CFI: variants seen among roughly 807,000 people sequenced by gnomAD.
CFI encodes the protein C3B/C4B inactivator.
CFI carries 66 observed loss-of-function variants against 78.8 expected under a neutral mutation model. That is an observed-to-expected ratio of 0.84 (90% CI 0.69 to 1.03). CFI has a LOEUF of 1.03. CFI is among the 50% of genes least tolerant of loss of function. CFI has a pLI of 0.00. For synonymous variants in CFI, 250 were observed against 232.6 expected (o/e 1.07, Z -0.68); for missense variants, 706 against 704.5 (o/e 1.00, Z -0.02).
chr4:109,760,602 A>G lies in CFI; in HGVS notation c.693T>C (p.Asn231=). The change falls in exon 5 of 13, where the codon AAT becomes AAC. Residue 231 remains asparagine, a synonymous_variant. Transcript: ENST00000394634. ...SPMDDFFQCV[N]GKYISQMKAC... is the part of the protein sequence containing the mutation. ...CTTTCATCTGAGAAATGTATTTCCC[A>G]TTCACACACTGAAAGAAGTCATCCA... is the stretch of plus-strand genomic sequence containing the variant. The G allele has an allele frequency of 1.9e-6, 3 of 1,609,350 alleles. No homozygotes were observed. Among genetic ancestry groups the G allele is most frequent in the Non-Finnish European group, 2.6e-6 (3 of 1,175,670 alleles).
intron 1 of CFI, among the ~76,000 whole-genome samples, chr4:109,790,507 G>A (rs1731243593): frequency 1.3e-5 from 2 of 151,966 alleles, no homozygotes; most frequent in Admixed American, 6.6e-5. Flanking sequence ...GTGTCATGGG[G>A]GTTTGTTGTA....
chr4:109,743,442 AC>A (rs755013742), intron 11 of CFI, among the ~76,000 whole-genome samples: 8 of 152,186 alleles, frequency 5.3e-5, no homozygotes, highest in African/African-American at 9.6e-5. Context: ...CAGAATTTTA[AC>A]TACTAGACTT....
At chr4:109,797,530 C>A (rs532729462) in intron 1 of CFI, among the ~76,000 whole-genome samples, 1 of 151,644 alleles carries the variant, frequency 6.6e-6, no homozygotes. Context: ...AATATCTTGA[C>A]TATGACGACA....
At chr4:109,733,924 C>G in the CFI span, among the ~76,000 whole-genome samples, 1 of 152,104 alleles carries the variant, frequency 6.6e-6, no homozygotes, top group Non-Finnish European at 1.5e-5. Flanking sequence ...AGTCCCAGCA[C>G]CTAGGGAGAT....
chr4:109,741,215 C>A, intron 12 of CFI, 105 bp from the exon 13 acceptor site: 1 of 1,582,206 alleles, frequency 6.3e-7, no homozygotes, highest in Non-Finnish European at 8.6e-7. Context: ...TTACAGTTTC[C>A]TGACAGCAAT....
At position 109,801,895 on chromosome 4, in the gene CFI, A is replaced by C. The variant is rs370820039; in HGVS notation, c.57+20T>G. 44 of 1,533,628 alleles carry C rather than the reference A, an allele frequency of 2.9e-5. 2 individuals carry two copies. The South Asian group carries it at 4.8e-4, about 17-fold the overall frequency. On this transcript the variant is annotated intron_variant, in intron 1 of 12. Transcript: ENST00000394634. ...TAAATTATCAATTAAAATTGTTTGC[A>C]TAAAGGTTGAATTACTTACCTTGCA...
chr4:109,776,624 C>A (rs191897370), intron 1 of CFI, among the ~76,000 whole-genome samples: 3 of 152,284 alleles, frequency 2.0e-5, no homozygotes, highest in Admixed American at 2.0e-4. Flanking sequence ...ACAGAGAATG[C>A]CACAAAGATA....
At chr4:109,781,070 A>C (rs1023151002) in intron 1 of CFI, among the ~76,000 whole-genome samples, 1 of 152,188 alleles carries the variant, frequency 6.6e-6, no homozygotes, top group African/African-American at 2.4e-5. Flanking sequence ...CGTGTGCAGC[A>C]CACCAACATG....
intron 8 of CFI, among the ~76,000 whole-genome samples, chr4:109,751,489 T>G (rs1473535721): frequency 5.1e-5 from 7 of 138,488 alleles, no homozygotes; most frequent in African/African-American, 1.8e-4. Flanking sequence ...TTGCCCAGGC[T>G]GGAGGGCAGT....
chr4:109,732,346 T>C, the CFI span, among the ~76,000 whole-genome samples: 1 of 152,330 alleles, frequency 6.6e-6, no homozygotes, highest in East Asian at 1.9e-4. Flanking sequence ...TCACCACCAT[T>C]TTTGTAGAAA....
At chr4:109,773,001 G>A (rs1045227443) in intron 1 of CFI, among the ~76,000 whole-genome samples, 1 of 152,156 alleles carries the variant, frequency 6.6e-6, no homozygotes, top group African/African-American at 2.4e-5. Flanking sequence ...GTTGGGCATG[G>A]TGATTTCCTT....
chr4:109,783,475 T>C (rs1199624077), intron 1 of CFI, among the ~76,000 whole-genome samples: 1 of 152,064 alleles, frequency 6.6e-6, no homozygotes, highest in South Asian at 2.1e-4. Flanking sequence ...CACAATGTGA[T>C]ACCACCTTAC....
At chr4:109,749,885 G>A (rs1303948912) in intron 8 of CFI, among the ~76,000 whole-genome samples, 2 of 152,212 alleles carry the variant, frequency 1.3e-5, no homozygotes, top group Non-Finnish European at 2.9e-5. Context: ...GCCTCTAGCT[G>A]ATAAAGGATG....
chr4:109,736,015 C>G (rs1723350223), downstream of CFI, among the ~76,000 whole-genome samples: 1 of 152,230 alleles, frequency 6.6e-6, no homozygotes, highest in South Asian at 2.1e-4. Context: ...ACAGCTTATT[C>G]CATGACCTTC....
intron 1 of CFI, chr4:109,793,819 C>T (rs920673837): frequency 6.6e-6 from 1 of 152,240 alleles, no homozygotes; most frequent in African/African-American, 2.4e-5. Context: ...AGCCACCACA[C>T]CCAGCTACTT....
chr4:109,799,485 T>A (rs1303907269), intron 1 of CFI, among the ~76,000 whole-genome samples: 1 of 152,124 alleles, frequency 6.6e-6, no homozygotes, highest in Non-Finnish European at 1.5e-5. Context: ...TGCACCAGAG[T>A]TAGGAGAATT....
At chr4:109,796,087 G>A (rs10000458) in intron 1 of CFI, among the ~76,000 whole-genome samples, 27,288 of 152,026 alleles carry the variant, frequency 0.18, 4,649 homozygotes, top group African/African-American at 0.43. Context: ...AAGACAAAAA[G>A]ACAATTTTGA....
chr4:109,747,764 A>T (rs1724657962), intron 10 of CFI, among the ~76,000 whole-genome samples: 1 of 152,194 alleles, frequency 6.6e-6, no homozygotes, highest in Non-Finnish European at 1.5e-5. Flanking sequence ...TGTGGAAGAC[A>T]ATTTTTCCAT....
At chr4:109,793,085 T>C (rs1330765167) in intron 1 of CFI, among the ~76,000 whole-genome samples, 1 of 152,228 alleles carries the variant, frequency 6.6e-6, no homozygotes, top group Non-Finnish European at 1.5e-5. Context: ...TTTTTTCATA[T>C]TCAACTATTT....
Sources: gnomAD v4.1 joint callset for allele counts (sites outside exome capture counted in the v4.1 genomes callset) on GRCh38, gnomAD v4.1.1 for gene constraint, MANE v1.5 for transcripts, NCBI Gene and HGNC (gene_info 2026-07-23, HGNC 2026-07-21) for gene names.